JADE2: variants seen among roughly 807,000 people sequenced by gnomAD.
JADE2 encodes E3 ubiquitin-protein ligase Jade-2.
In JADE2, 13 loss-of-function variants were observed where a neutral mutation model predicts 85.7. The observed-to-expected ratio is 0.15, with a 90% CI of 0.10 to 0.24. The LOEUF (loss-of-function observed/expected upper bound fraction) is 0.24. Among genes scored for constraint, JADE2 ranks in the 10% least tolerant of loss-of-function variants. The pLI is 1.00. For synonymous variants in JADE2, 440 were observed against 456.1 expected (o/e 0.96, Z 0.45); for missense variants, 846 against 1,115.9 (o/e 0.76, Z 3.45).
chr5:134,577,520 T>C (rs1764449761), intron 11 of JADE2, among the ~76,000 whole-genome samples: 1 of 152,126 alleles, frequency 6.6e-6, no homozygotes, highest in Non-Finnish European at 1.5e-5. Flanking sequence ...ATCCTTTCTG[T>C]CCCTCTGTCT....
chr5:134,556,344 C>T (rs535002683), intron 4 of JADE2, among the ~76,000 whole-genome samples: 3 of 152,266 alleles, frequency 2.0e-5, no homozygotes, highest in East Asian at 1.9e-4. Flanking sequence ...AAGGGGAAAC[C>T]GTGCCCTCCT....
chr5:134,564,403 C>T (rs1388556094), intron 7 of JADE2, 91 bp from the exon 8 acceptor site: 2 of 770,414 alleles, frequency 2.6e-6, no homozygotes, highest in Non-Finnish European at 4.1e-6. Context: ...CTGCCCACCA[C>T]CTAGTTTCAG....
chr5:134,541,920 G>T (rs1581411464), intron 3 of JADE2, among the ~76,000 whole-genome samples: 1 of 152,270 alleles, frequency 6.6e-6, no homozygotes, highest in Non-Finnish European at 1.5e-5. Flanking sequence ...ACAGGGCTAA[G>T]GCCTGGAGGC....
chr5:134,575,975 A>C (rs771876580), intron 10 of JADE2, among the ~76,000 whole-genome samples: 6 of 152,112 alleles, frequency 3.9e-5, no homozygotes, highest in Non-Finnish European at 7.4e-5. Context: ...CCAAGGTGGA[A>C]GGATTACTGG....
At chr5:134,551,747 T>G (rs1290587355) in intron 3 of JADE2, among the ~76,000 whole-genome samples, 3 of 152,154 alleles carry the variant, frequency 2.0e-5, no homozygotes, top group Non-Finnish European at 4.4e-5. Flanking sequence ...ATTTTTGCCT[T>G]TCTCTGCCAG....
intron 1 of JADE2, among the ~76,000 whole-genome samples, chr5:134,531,758 T>A (rs1761249984): frequency 6.6e-6 from 1 of 152,062 alleles, no homozygotes; most frequent in Non-Finnish European, 1.5e-5. Context: ...AATTTTTGTA[T>A]TTTTAGTAGA....
chr5:134,557,443 A>C (rs551726084), intron 4 of JADE2, among the ~76,000 whole-genome samples: 1 of 135,232 alleles, frequency 7.4e-6, no homozygotes, highest in Non-Finnish European at 1.6e-5. Context: ...GGTTTGTTAC[A>C]TATGTATACA....
chr5:134,570,857 C>T (rs930468962), intron 9 of JADE2, among the ~76,000 whole-genome samples: 2 of 152,216 alleles, frequency 1.3e-5, no homozygotes, highest in African/African-American at 4.8e-5. Flanking sequence ...CAGTTTTGCC[C>T]CACGTGGGGG....
chr5:134,542,360 A>G (rs1343521708), intron 3 of JADE2, among the ~76,000 whole-genome samples: 1 of 146,680 alleles, frequency 6.8e-6, no homozygotes, highest in Admixed American at 6.8e-5. Context: ...CAGAGCAGAG[A>G]TTATTGTTTT....
chr5:134,561,787 A>G (rs59449529), intron 6 of JADE2, among the ~76,000 whole-genome samples: 35 of 152,120 alleles, frequency 2.3e-4, no homozygotes, highest in African/African-American at 6.5e-4. Context: ...GAGGGGTGCA[A>G]CCTTCTTCAT....
chr5:134,575,064 A>G (rs762162513), intron 10 of JADE2: 1 of 152,276 alleles, frequency 6.6e-6, no homozygotes, highest in Non-Finnish European at 1.5e-5. Context: ...GCCCTCAGGC[A>G]CAGGATTCCA....
intron 1 of JADE2, among the ~76,000 whole-genome samples, chr5:134,527,061 G>C (rs916710519): frequency 2.0e-5 from 3 of 152,180 alleles, no homozygotes; most frequent in African/African-American, 7.2e-5. Flanking sequence ...GCTTGTGGCG[G>C]ACCCCGTTTG....
intron 4 of JADE2, among the ~76,000 whole-genome samples, chr5:134,558,569 G>A (rs539690524): frequency 1.6e-4 from 24 of 152,298 alleles, no homozygotes; most frequent in African/African-American, 5.1e-4. Flanking sequence ...ACGGAGCTTC[G>A]CTCTTGTTGC....
intron 1 of JADE2, among the ~76,000 whole-genome samples, chr5:134,531,328 T>C (rs1275696010): frequency 6.6e-6 from 1 of 152,160 alleles, no homozygotes; most frequent in African/African-American, 2.4e-5. Context: ...AGGGGCCAGA[T>C]TGTGTAGGGT....
At position 134,582,915 on chromosome 5, in the gene JADE2, T is replaced by C. The variant is rs1764776929; in HGVS notation, c.*3598T>C. On this transcript the variant is annotated 3_prime_UTR_variant, in exon 12 of 12. Coordinates refer to ENST00000681547, the MANE Select transcript of JADE2 (RefSeq NM_001388185.1). ...TTATGTTGCAATATTTATTTTCTTG[T>C]ATTAGAAAAGATTCCTTTGTAGAGA... 6.5e-6 allele frequency: 1 copy of C among 152,708 alleles called. No individual in the cohort carries two copies. The highest frequency in any genetic ancestry group is 1.5e-5 in the Non-Finnish European group (1 of 68,044). The allele number at this position is 152,708 out of a possible 1,614,324, so 9.5% of individuals were successfully genotyped here.
intron 9 of JADE2, among the ~76,000 whole-genome samples, chr5:134,570,706 A>T (rs1003132876): frequency 2.0e-5 from 3 of 151,968 alleles, no homozygotes; most frequent in Admixed American, 6.6e-5. Flanking sequence ...TGATGCTCTG[A>T]CCAGGTCCCC....
intron 9 of JADE2, 150 bp from the exon 10 acceptor site, chr5:134,573,495 G>A (rs1434024996): frequency 7.2e-6 from 5 of 690,766 alleles, no homozygotes; most frequent in Non-Finnish European, 1.3e-5. Context: ...TCAGGGTCTG[G>A]GAATTGTTTT....
chr5:134,556,498 G>GCA (rs767464759), intron 4 of JADE2, among the ~76,000 whole-genome samples: 2 of 79,590 alleles, frequency 2.5e-5, no homozygotes, highest in African/African-American at 5.1e-5. Flanking sequence ...CATACCACAT[G>GCA]CACACACACA....
intron 3 of JADE2, among the ~76,000 whole-genome samples, chr5:134,542,303 T>C (rs1352796669): frequency 6.6e-6 from 1 of 152,256 alleles, no homozygotes; most frequent in Non-Finnish European, 1.5e-5. Context: ...CCATTGTTAG[T>C]GCTTAACCCT....
Sources: gnomAD v4.1 joint callset for allele counts (sites outside exome capture counted in the v4.1 genomes callset) on GRCh38, gnomAD v4.1.1 for gene constraint, MANE v1.5 for transcripts, NCBI Gene and HGNC (gene_info 2026-07-23, HGNC 2026-07-21) for gene names.